GARIN4: variants seen among roughly 807,000 people sequenced by gnomAD.
GARIN4 encodes Golgi-associated RAB2 interactor protein 4.
the GARIN4 span, chr1:212,626,512 A>G: frequency 6.2e-7 from 1 of 1,614,242 alleles, no homozygotes; most frequent in East Asian, 2.2e-5. Context: ...TGGGCACACC[A>G]CATGGCAGAG....
At chr1:212,625,675 T>G in the GARIN4 span, 1 of 1,614,084 alleles carries the variant, frequency 6.2e-7, no homozygotes, top group Non-Finnish European at 8.5e-7. Flanking sequence ...CTACAGAACT[T>G]GCTGAGGAGC....
At chr1:212,625,123 C>G in the GARIN4 span, 37 of 1,614,082 alleles carry the variant, frequency 2.3e-5, no homozygotes, top group Non-Finnish European at 3.1e-5. Context: ...TCCTCCCACT[C>G]CCAGATGTCA....
At chr1:212,625,415 A>G in the GARIN4 span, 1 of 1,614,178 alleles carries the variant, frequency 6.2e-7, no homozygotes, top group Admixed American at 1.7e-5. Flanking sequence ...ACCCATGGAG[A>G]GTAACAGCAG....
the GARIN4 span, chr1:212,626,000 G>A: frequency 1.2e-5 from 20 of 1,614,128 alleles, no homozygotes; most frequent in Middle Eastern, 9.9e-4. Context: ...CATTGCAGGA[G>A]TAGTACTGAC....
chr1:212,625,914 G>A, the GARIN4 span: 1 of 1,614,192 alleles, frequency 6.2e-7, no homozygotes. Flanking sequence ...GCTGTGGCAG[G>A]GGCTGCAGGC....
chr1:212,625,508 C>T, the GARIN4 span: 11 of 1,614,058 alleles, frequency 6.8e-6, no homozygotes, highest in East Asian at 2.5e-4. Context: ...CGTGAACCTT[C>T]AAGGAAAGGG....
chr1:212,624,637 T>C, the GARIN4 span: 10 of 521,476 alleles, frequency 1.9e-5, no homozygotes, highest in Non-Finnish European at 3.1e-5. Flanking sequence ...CTTGGAAGAG[T>C]CTGGAGTCCA....
At chr1:212,626,663 A>G in the GARIN4 span, 1 of 1,590,132 alleles carries the variant, frequency 6.3e-7, no homozygotes, top group South Asian at 1.2e-5. Flanking sequence ...AGCCCATTAA[A>G]TAAGACCCAG....
At chr1:212,625,861 C>T in the GARIN4 span, 1 of 1,614,242 alleles carries the variant, frequency 6.2e-7, no homozygotes, top group Non-Finnish European at 8.5e-7. Flanking sequence ...GCAACATGGC[C>T]CTTGCAGGCA....
the GARIN4 span, chr1:212,626,473 C>T: frequency 2.7e-5 from 43 of 1,614,088 alleles, no homozygotes; most frequent in South Asian, 4.4e-5. Flanking sequence ...TCCTGAGGAA[C>T]GTCAGAGCCA....
At chr1:212,624,987 A>G in the GARIN4 span, 6 of 1,614,066 alleles carry the variant, frequency 3.7e-6, no homozygotes, top group African/African-American at 8.0e-5. Flanking sequence ...AAGGGGGAGT[A>G]CGATATATTC....
At chr1:212,625,056 T>C in the GARIN4 span, 66 of 1,613,992 alleles carry the variant, frequency 4.1e-5, no homozygotes, top group Middle Eastern at 1.6e-4. Flanking sequence ...GGAGAAGTGA[T>C]TGATGTGCAC....
the GARIN4 span, chr1:212,626,084 A>T: frequency 6.2e-7 from 1 of 1,614,100 alleles, no homozygotes; most frequent in Non-Finnish European, 8.5e-7. Context: ...GAGCAAGAGC[A>T]GCCTGAGTGG....
chr1:212,625,706 G>A, the GARIN4 span: 1 of 1,614,088 alleles, frequency 6.2e-7, no homozygotes, highest in Non-Finnish European at 8.5e-7. Context: ...GGGGATTAAA[G>A]AGGCAGCAGC....
chr1:212,625,745 G>A, the GARIN4 span: 1 of 1,613,946 alleles, frequency 6.2e-7, no homozygotes, highest in Non-Finnish European at 8.5e-7. Context: ...GGCAGCAACA[G>A]GCACCGTAGC....
chr1:212,625,692 CAG>C, the GARIN4 span: 11 of 1,614,100 alleles, frequency 6.8e-6, no homozygotes, highest in South Asian at 3.3e-5. Flanking sequence ...GAGCCAGCAA[CAG>C]GGGGGATTAA....
the GARIN4 span, chr1:212,625,348 TGACACACGGGATGACC>T: frequency 6.2e-7 from 1 of 1,614,268 alleles, no homozygotes; most frequent in Non-Finnish European, 8.5e-7. Flanking sequence ...GTCCCGCTCT[TGACACACGGGATGACC>T]TCTTTGCCTA....
the GARIN4 span, chr1:212,625,762 C>G: frequency 6.2e-7 from 1 of 1,613,910 alleles, no homozygotes; most frequent in Non-Finnish European, 8.5e-7. Context: ...TAGCAGGTGC[C>G]TTGAGTGTGG....
the GARIN4 span, chr1:212,625,205 C>T: frequency 1.5e-5 from 25 of 1,613,966 alleles, no homozygotes; most frequent in Admixed American, 1.0e-4. Flanking sequence ...GAGAAAAAAA[C>T]GCAAGGCAGC....
Sources: gnomAD v4.1 joint callset for allele counts on GRCh38, gnomAD v4.1.1 for gene constraint, MANE v1.5 for transcripts, NCBI Gene and HGNC (gene_info 2026-07-23, HGNC 2026-07-21) for gene names.